PDGFRB: variants seen among roughly 807,000 people sequenced by gnomAD.
PDGFRB encodes the protein platelet-derived growth factor receptor beta.
Under a neutral mutation model 120.2 loss-of-function variants are expected in PDGFRB, and 42 were observed. The observed-to-expected ratio is 0.35, with a 90% CI of 0.27 to 0.45. The LOEUF (loss-of-function observed/expected upper bound fraction) is 0.45. PDGFRB is among the 20% of genes least tolerant of loss of function. The pLI, the probability that PDGFRB is intolerant of heterozygous loss-of-function variation, is 1.00. For missense variants in PDGFRB, 1,149 were observed against 1,476.3 expected, an observed-to-expected ratio of 0.78 and a Z score of 3.63; for synonymous variants, 586 against 606.8, an observed-to-expected ratio of 0.97 and a Z score of 0.50.
intron 1 of PDGFRB, among the ~76,000 whole-genome samples, chr5:150,151,104 T>C (rs916069347): frequency 1.3e-5 from 2 of 152,238 alleles, no homozygotes; most frequent in Admixed American, 6.5e-5. Flanking sequence ...TCCTGACCTC[T>C]TTCTGTAATG....
Position 150,117,700 on chromosome 5 carries a change from T to C in PDGFRB, c.3055A>G (p.Asn1019Asp), listed in dbSNP as rs372555492. Residue 1019 changes from asparagine (N) to aspartate (D), a missense_variant, in exon 22 of 23, where the codon AAC becomes GAC. Asn to Asp is a conservative substitution (Grantham distance 23). This residue lies in a region of PDGFRB where 202 missense variants were observed against 214.3 expected (regional missense o/e 0.94). Transcript: ENST00000261799. Reference protein sequence around the residue: ...YTAVQPNEGDNDYIIPLPDPK... With the variant: ...YTAVQPNEGDDDYIIPLPDPK... Reference sequence around the variant, plus strand: ...TCAGGCAGGGGGATGATATAGTCGTTGTCACCCTCATTGGGCTGCACGGCA... The same window carrying C: ...TCAGGCAGGGGGATGATATAGTCGTCGTCACCCTCATTGGGCTGCACGGCA... 2 of 1,613,774 alleles carry C rather than the reference T, an allele frequency of 1.2e-6. No homozygotes were observed. Among genetic ancestry groups the C allele is most frequent in the African/African-American group, 1.3e-5 (1 of 74,896 alleles).
At position 150,147,270 on chromosome 5, in the gene PDGFRB, C is replaced by T. The variant is rs183031653; in HGVS notation, c.-7+8127G>A. Among the ~76,000 whole-genome samples the T allele has an allele frequency of 1.7e-3, 258 of 152,340 alleles. 1 individual carries two copies. The highest frequency in any genetic ancestry group is 5.2e-3 in the African/African-American group (217 of 41,584). On this transcript the variant is annotated intron_variant, in intron 1 of 22. Transcript: ENST00000261799. ...CTGCTGCCCTCCCCATCCCCACCCC[C>T]CAGAGCCTCATCTCCGGCCGGTGCC...
rs1454565883 is a variant in PDGFRB at position 150,123,313 on chromosome 5, A to G, written c.2024-112T>C. ...GGAGAGACACTTTGGCATGACGGCT[A>G]GGAGGCTTTAGTGCCTTGCAAATCT... On this transcript the variant is annotated intron_variant, in intron 14 of 22. Coordinates refer to ENST00000261799, the MANE Select transcript of PDGFRB (RefSeq NM_002609.4). 3 of 774,744 alleles carry G rather than the reference A, an allele frequency of 3.9e-6. No homozygotes were observed. The African/African-American group carries it at 5.1e-5, about 13-fold the overall frequency. The allele number at this position is 774,744 out of a possible 1,614,324, so 48.0% of individuals were successfully genotyped here.
At chr5:150,134,391 C>T (rs1177650313) in intron 4 of PDGFRB, among the ~76,000 whole-genome samples, 2 of 152,160 alleles carry the variant, frequency 1.3e-5, no homozygotes, top group African/African-American at 4.8e-5. Flanking sequence ...GTTATCCCCA[C>T]GTTACAAGAG....
rs896040744 is a variant in PDGFRB at position 150,120,643 on chromosome 5, C to G, written c.2586+245G>C. Among the ~76,000 whole-genome samples, 4 of 152,192 alleles carry G rather than the reference C, an allele frequency of 2.6e-5. No individual in the cohort carries two copies. Among genetic ancestry groups the G allele is most frequent in the Admixed American group, 1.3e-4 (2 of 15,278 alleles). On this transcript the variant is annotated intron_variant, in intron 18 of 22. Transcript: ENST00000261799. This position sits in a 1 kb window ranked among gnomAD's most constrained non-coding sequence, Gnocchi z 4.3. ...ACATTCGGCCTGTTCCCCCTTCCCC[C>G]ACCCTGGACCCATTATAGCCAGCCC...
rs1760498932 is a variant in PDGFRB at position 150,132,671 on chromosome 5, G to A, written c.1127+79C>T. On this transcript the variant is annotated intron_variant, in intron 7 of 22. Transcript: ENST00000261799. This position sits in a 1 kb window ranked among gnomAD's most constrained non-coding sequence, Gnocchi z 5.0. ...CTCTCAGAAAGCTGGGCCTAGGTTT[G>A]TGGCTGAAAGCCGAGGGCTGCCTGG... 1 of 1,393,374 alleles carries A rather than the reference G, an allele frequency of 7.2e-7. No homozygotes were observed. Among genetic ancestry groups the A allele is most frequent in the Non-Finnish European group, 9.8e-7 (1 of 1,024,548 alleles). The allele number at this position is 1,393,374 out of a possible 1,614,324, so 86.3% of individuals were successfully genotyped here. A position where few individuals can be genotyped will look rare whatever the true frequency, so the allele number is the denominator to read the frequency against.
chr5:150,154,177 G>A (rs1580827018), intron 1 of PDGFRB, among the ~76,000 whole-genome samples: 2 of 152,184 alleles, frequency 1.3e-5, no homozygotes, highest in East Asian at 3.9e-4. Flanking sequence ...AAGAGGTGGT[G>A]TATGGAATAT....
In PDGFRB at chr5:150,155,567, CAGG is replaced by C. The variant is rs1340487589; in HGVS notation, c.-180_-178del. The C allele has an allele frequency of 1.5e-5, 6 of 398,714 alleles. No individual in the cohort carries two copies. Among genetic ancestry groups the C allele is most frequent in the African/African-American group, 1.2e-4 (6 of 48,604 alleles). The allele number at this position is 398,714 out of a possible 1,614,324, so 24.7% of individuals were successfully genotyped here. A position where few individuals can be genotyped will look rare whatever the true frequency, so the allele number is the denominator to read the frequency against. On this transcript the variant is annotated 5_prime_UTR_variant, in exon 1 of 23. Coordinates refer to ENST00000261799, the MANE Select transcript of PDGFRB (RefSeq NM_002609.4). ...GGACTGGTGCAGGCTCCTGAAGGCT[CAGG>C]AGAACAGAGGGATGGAGGAAGGGGG...
intron 1 of PDGFRB, among the ~76,000 whole-genome samples, chr5:150,146,568 G>T (rs773730074): frequency 1.3e-5 from 2 of 152,132 alleles, no homozygotes; most frequent in East Asian, 1.9e-4. Flanking sequence ...TTTAGAGACA[G>T]GGTCTCGCTC....
chr5:150,114,922 TC>T lies in PDGFRB; in HGVS notation c.*840del. On this transcript the variant is annotated 3_prime_UTR_variant, in exon 23 of 23. Coordinates refer to ENST00000261799, the MANE Select transcript of PDGFRB (RefSeq NM_002609.4). ...TATACTGGCACACACACGTGGCCAC[TC>T]CACACTGGCACATTTACATTCTCAT... is the stretch of plus-strand genomic sequence containing the variant. The T allele has an allele frequency of 4.3e-6, 1 of 233,242 alleles. No homozygotes were observed. Among genetic ancestry groups the T allele is most frequent in the South Asian group, 1.8e-4 (1 of 5,524 alleles). The allele number at this position is 233,242 out of a possible 1,614,324, so 14.4% of individuals were successfully genotyped here. A position where few individuals can be genotyped will look rare whatever the true frequency, so the allele number is the denominator to read the frequency against.
At chr5:150,142,118 TCTGATCTAACTGCCTTC>T (rs1234482032) in intron 1 of PDGFRB, among the ~76,000 whole-genome samples, 1 of 152,136 alleles carries the variant, frequency 6.6e-6, no homozygotes, top group Non-Finnish European at 1.5e-5. Context: ...GGATCATCTA[TCTGATCTAACTGCCTTC>T]CTGTGCTCCA....
chr5:150,114,914 G>A lies in PDGFRB; in HGVS notation c.*849C>T, dbSNP rs952339917. The A allele has an allele frequency of 3.0e-5, 7 of 233,104 alleles. No individual in the cohort carries two copies. The highest frequency in any genetic ancestry group is 6.0e-5 in the East Asian group (1 of 16,586). The allele number at this position is 233,104 out of a possible 1,614,324, so 14.4% of individuals were successfully genotyped here. ...CAGGGCCATATACTGGCACACACAC[G>A]TGGCCACTCCACACTGGCACATTTA... On this transcript the variant is annotated 3_prime_UTR_variant, in exon 23 of 23. Transcript: ENST00000261799.
chr5:150,154,516 G>A (rs770223198), intron 1 of PDGFRB, among the ~76,000 whole-genome samples: 25 of 152,222 alleles, frequency 1.6e-4, no homozygotes, highest in Non-Finnish European at 3.1e-4. Context: ...CAGTTGCGGC[G>A]TGCAGTAAGT....
In PDGFRB at chr5:150,115,074, G is replaced by C. The variant is rs886740269; in HGVS notation, c.*689C>G. ...GGACACAGGCACTTGCTATGGCTGC[G>C]TGTGCTCCAAGTGCCCTGGGCAAGG... is the stretch of plus-strand genomic sequence containing the variant. On this transcript the variant is annotated 3_prime_UTR_variant, in exon 23 of 23. Coordinates refer to ENST00000261799, the MANE Select transcript of PDGFRB (RefSeq NM_002609.4). 4.3e-6 allele frequency: 1 copy of C among 232,988 alleles called. No homozygotes were observed. The highest frequency in any genetic ancestry group is 1.8e-4 in the South Asian group (1 of 5,536). 14.4% of individuals were successfully genotyped at this position (232,988 alleles called of 1,614,324 possible).
Position 150,133,597 on chromosome 5 carries a change from A to T in PDGFRB, c.923T>A (p.Ile308Asn). The change falls in exon 6 of 23, where the codon ATC (isoleucine) becomes AAC (asparagine). Residue 308 changes from isoleucine to asparagine, a missense_variant. This residue lies in a region of PDGFRB where 879 missense variants were observed against 1,108.6 expected (regional missense o/e 0.79). Transcript: ENST00000261799. ...NDHQDEKAINITVVESGYVRL... is the reference protein window; with the variant it reads ...NDHQDEKAINNTVVESGYVRL... ...CCCAAGGCACACACCAACCACGGTG[A>T]TGTTGATGGCCTTTTCATCCTGATG... The T allele has an allele frequency of 6.2e-7, 1 of 1,613,776 alleles. No homozygotes were observed. The highest frequency in any genetic ancestry group is 8.5e-7 in the Non-Finnish European group (1 of 1,179,692).
At chr5:150,148,248 A>G (rs971938789) in intron 1 of PDGFRB, among the ~76,000 whole-genome samples, 2 of 152,240 alleles carry the variant, frequency 1.3e-5, no homozygotes, top group Non-Finnish European at 2.9e-5. Context: ...CCCACAAATC[A>G]GGATACCTAC....
At chr5:150,135,986 G>T in intron 2 of PDGFRB, 108 bp from the exon 3 acceptor site, 1 of 680,546 alleles carries the variant, frequency 1.5e-6, no homozygotes, top group Non-Finnish European at 2.4e-6. Context: ...TCCTTGAGGA[G>T]CACAGCTCCT....
chr5:150,119,424 T>A lies in PDGFRB; in HGVS notation c.2798+43A>T, dbSNP rs140400370. The A allele has an allele frequency of 1.2e-4, 131 of 1,092,108 alleles. No individual in the cohort carries two copies. The African/African-American group carries it at 1.5e-3, about 12-fold the overall frequency. The allele number at this position is 1,092,108 out of a possible 1,614,324, so 67.7% of individuals were successfully genotyped here. ...AGCCAGTAGAGTTGGATATCTATTG[T>A]TTGCAGCACAAAATCCTCCCAAATG... is the stretch of plus-strand genomic sequence containing the variant. On this transcript the variant is annotated intron_variant, in intron 20 of 22. Coordinates refer to ENST00000261799, the MANE Select transcript of PDGFRB (RefSeq NM_002609.4).
intron 1 of PDGFRB, among the ~76,000 whole-genome samples, chr5:150,150,043 T>C (rs1761029639): frequency 6.6e-6 from 1 of 152,210 alleles, no homozygotes; most frequent in Non-Finnish European, 1.5e-5. Context: ...AGAAGTGGTA[T>C]GGCCAAAAGC....
Sources: gnomAD v4.1 joint callset for allele counts (sites outside exome capture counted in the v4.1 genomes callset) on GRCh38, gnomAD v4.1.1 for gene constraint, gnomAD v4.1.1 regional missense constraint, Gnocchi (gnomAD v3.1) non-coding constraint, MANE v1.5 for transcripts, NCBI Gene and HGNC (gene_info 2026-07-23, HGNC 2026-07-21) for gene names.